The following SFI1 variants were observed in gnomAD, a reference collection of about 807,000 sequenced individuals.
The protein encoded by SFI1 is SFI1 centrin binding protein.
SFI1 carries 195 observed loss-of-function variants against 207.5 expected under a neutral mutation model. The observed-to-expected ratio is 0.94, with a 90% confidence interval of 0.84 to 1.06. The LOEUF (loss-of-function observed/expected upper bound fraction) is 1.06. Among genes scored for constraint, SFI1 ranks in the 50% least tolerant of loss-of-function variants. The pLI is 0.00. For synonymous variants in SFI1, 630 were observed against 598.9 expected, an observed-to-expected ratio of 1.05 and a Z score of -0.76; for missense variants, 1,634 against 1,588.0, an observed-to-expected ratio of 1.03 and a Z score of -0.49.
Position 31,613,432 on chromosome 22 carries a change from C to T in SFI1, c.2644C>T (p.Gln882Ter), listed in dbSNP as rs1569465049. The T allele has an allele frequency of 1.1e-5, 18 of 1,609,322 alleles. No homozygotes were observed. Among genetic ancestry groups the T allele is most frequent in the Non-Finnish European group, 1.4e-5 (16 of 1,179,788 alleles). ...ARLQWALQAY[Q>*]GQLLQEGATR... ...GCTGCAGTGGGCGCTCCAGGCCTAC[C>T]AGGGGCAGCTCCTCCAGGAGGGTGC... is the stretch of plus-strand genomic sequence containing the variant. Residue 882 changes from glutamine (Q) to a stop codon, truncating the protein, a stop_gained, in exon 26 of 33, where the codon CAG becomes TAG. Coordinates refer to ENST00000400288, the MANE Select transcript of SFI1 (RefSeq NM_001007467.3). LOFTEE classifies it high-confidence loss of function.
intron 27 of SFI1, 165 bp from the exon 28 acceptor site, chr22:31,614,624 T>A (rs1347691440): frequency 1.3e-6 from 1 of 756,176 alleles, no homozygotes; most frequent in Non-Finnish European, 2.3e-6. Flanking sequence ...TTGTCGGAAC[T>A]GCTGGGAGCT....
At chr22:31,600,591 T>A (rs552183409) in intron 15 of SFI1, among the ~76,000 whole-genome samples, 1 of 152,280 alleles carries the variant, frequency 6.6e-6, no homozygotes, top group Admixed American at 6.5e-5. Flanking sequence ...TTCAGCTGTC[T>A]CCTTTCTAGT....
chr22:31,594,121 C>G (rs2066676680), intron 15 of SFI1, among the ~76,000 whole-genome samples: 1 of 152,184 alleles, frequency 6.6e-6, no homozygotes. Context: ...AGCCCATTAG[C>G]TTTCTGGATC....
At chr22:31,560,136 C>G (rs1434837648) in intron 7 of SFI1, among the ~76,000 whole-genome samples, 1 of 151,968 alleles carries the variant, frequency 6.6e-6, no homozygotes, top group Non-Finnish European at 1.5e-5. Context: ...GCAAGTGAGC[C>G]TGGTCTAAGA....
intron 15 of SFI1, among the ~76,000 whole-genome samples, chr22:31,590,600 G>T (rs2065724657): frequency 6.7e-6 from 1 of 148,264 alleles, no homozygotes; most frequent in Non-Finnish European, 1.5e-5. Context: ...CGCCTCCCGG[G>T]TTCAAGCGAT....
At chr22:31,566,595 A>G (rs1360442388) in intron 8 of SFI1, among the ~76,000 whole-genome samples, 2 of 152,136 alleles carry the variant, frequency 1.3e-5, no homozygotes, top group Non-Finnish European at 1.5e-5. Flanking sequence ...TGAATGAGTT[A>G]TTTCATCTGT....
chr22:31,583,307 T>C (rs2064597366), intron 12 of SFI1, among the ~76,000 whole-genome samples: 1 of 152,192 alleles, frequency 6.6e-6, no homozygotes, highest in East Asian at 1.9e-4. Context: ...GAGACAGGGT[T>C]TCTCCCTGTT....
intron 10 of SFI1, 72 bp downstream of exon 10, chr22:31,575,464 A>G (rs1313594817): frequency 7.0e-7 from 1 of 1,426,176 alleles, no homozygotes; most frequent in Non-Finnish European, 9.3e-7. Flanking sequence ...ATGTGAAACG[A>G]AAGTCATGAG....
intron 11 of SFI1, 117 bp downstream of exon 11, chr22:31,578,569 G>A: frequency 2.4e-6 from 2 of 840,870 alleles, no homozygotes; most frequent in Admixed American, 2.9e-5. Context: ...GGTGAGTTTT[G>A]GTCATGAAGC....
chr22:31,578,352 T>C lies in SFI1; in HGVS notation c.1085-30T>C, dbSNP rs757314447. The C allele has an allele frequency of 4.4e-6, 7 of 1,607,464 alleles. No individual in the cohort carries two copies. In the East Asian group the frequency reaches 1.1e-4, roughly 26 times the overall value. On this transcript the variant is annotated intron_variant, in intron 10 of 32. Transcript: ENST00000400288. Reference sequence around the variant, plus strand: ...GCACTGTGTAGGGGTCAGAACCTTGTTGGGACTGGAGGCCTTCACTTCCTG... The same window carrying C: ...GCACTGTGTAGGGGTCAGAACCTTGCTGGGACTGGAGGCCTTCACTTCCTG...
chr22:31,512,662 C>T (rs1479867729), intron 2 of SFI1, among the ~76,000 whole-genome samples: 1 of 151,072 alleles, frequency 6.6e-6, no homozygotes, highest in African/African-American at 2.4e-5. Context: ...GGATTACAGG[C>T]ACCCGCCACC....
At chr22:31,542,915 G>A (rs1201498214) in intron 4 of SFI1, among the ~76,000 whole-genome samples, 1 of 151,136 alleles carries the variant, frequency 6.6e-6, no homozygotes, top group Non-Finnish European at 1.5e-5. Context: ...GCCCACCTTG[G>A]CCTCCCAAAG....
chr22:31,550,670 G>A, intron 6 of SFI1: 1 of 264,836 alleles, frequency 3.8e-6, no homozygotes, highest in South Asian at 5.3e-5. Flanking sequence ...CATCTATCTT[G>A]CTGCGTCAAG....
chr22:31,610,919 G>A (rs548794051), intron 22 of SFI1, among the ~76,000 whole-genome samples: 1 of 152,360 alleles, frequency 6.6e-6, no homozygotes, highest in African/African-American at 2.4e-5. Flanking sequence ...GAGCACAACA[G>A]TAAACAGATC....
chr22:31,580,381 G>C lies in SFI1; in HGVS notation c.1248+17G>C. On this transcript the variant is annotated intron_variant, in intron 12 of 32. Coordinates refer to ENST00000400288, the MANE Select transcript of SFI1 (RefSeq NM_001007467.3). ...GGTGTCACGGTGAGGGTTGTCTTCT[G>C]TATCAAGGGACCTCTTCTGAAGGCC... is the stretch of plus-strand genomic sequence containing the variant. 3.1e-6 allele frequency: 5 copies of C among 1,601,240 alleles called. No individual in the cohort carries two copies. Among genetic ancestry groups the C allele is most frequent in the Non-Finnish European group, 4.3e-6 (5 of 1,168,504 alleles).
At chr22:31,500,184 G>A (rs1434588381) in intron 1 of SFI1, among the ~76,000 whole-genome samples, 3 of 145,790 alleles carry the variant, frequency 2.1e-5, no homozygotes, top group Admixed American at 6.9e-5. Flanking sequence ...TTGTGGTGGC[G>A]GGCACCTGTA....
chr22:31,558,586 T>G (rs1452093675), intron 7 of SFI1, among the ~76,000 whole-genome samples: 1 of 151,734 alleles, frequency 6.6e-6, no homozygotes, highest in African/African-American at 2.4e-5. Flanking sequence ...CAAGCGATTC[T>G]TCTGCCTTGG....
intron 29 of SFI1, chr22:31,615,804 A>G (rs907140291): frequency 6.5e-6 from 1 of 153,294 alleles, no homozygotes; most frequent in Non-Finnish European, 1.5e-5. Flanking sequence ...GAGGGGAAAG[A>G]AGGAATCCAG....
chr22:31,559,847 C>A, intron 7 of SFI1: 1 of 687,240 alleles, frequency 1.5e-6, no homozygotes, highest in Admixed American at 1.8e-5. Flanking sequence ...CCATAGAGGA[C>A]CGCACCACTT....
Sources: allele counts gnomAD v4.1 joint callset (sites outside exome capture counted in the v4.1 genomes callset), GRCh38; gene constraint gnomAD v4.1.1; transcripts MANE v1.5; gene names NCBI Gene and HGNC (gene_info 2026-07-23, HGNC 2026-07-21).